TBX15: variants seen among roughly 807,000 people sequenced by gnomAD.
TBX15 encodes the protein T-box transcription factor 15, also known as T-box transcription factor TBX15.
TBX15 carries 18 observed loss-of-function variants against 53.9 expected under a neutral mutation model. That is an observed-to-expected ratio of 0.33 (90% CI 0.23 to 0.49). TBX15 has a LOEUF of 0.49. TBX15 is among the 20% of genes least tolerant of loss of function. The probability of loss-of-function intolerance (pLI) is 0.98; values close to 1 mark genes in which losing one functional copy is unlikely to be tolerated. For synonymous variants in TBX15, 295 were observed against 278.0 expected, an observed-to-expected ratio of 1.06 and a Z score of -0.61; for missense variants, 692 against 749.5, an observed-to-expected ratio of 0.92 and a Z score of 0.90.
chr1:118,951,379 C>T (rs926153258), intron 1 of TBX15, among the ~76,000 whole-genome samples: 1 of 152,176 alleles, frequency 6.6e-6, no homozygotes, highest in African/African-American at 2.4e-5. Context: ...CAACTCTCTC[C>T]TAAGAAATAG....
intron 5 of TBX15, among the ~76,000 whole-genome samples, chr1:118,922,035 C>T (rs1655440693): frequency 6.6e-6 from 1 of 152,034 alleles, no homozygotes; most frequent in Non-Finnish European, 1.5e-5. Flanking sequence ...GGGAAAGACC[C>T]GAGGTTATTT....
chr1:118,912,639 G>A (rs930760002), intron 6 of TBX15, among the ~76,000 whole-genome samples: 3 of 152,098 alleles, frequency 2.0e-5, no homozygotes, highest in African/African-American at 4.8e-5. Context: ...AAAGGCAATA[G>A]GAAATGGCTT....
intron 5 of TBX15, among the ~76,000 whole-genome samples, chr1:118,921,815 G>A (rs746132329): frequency 5.3e-5 from 8 of 151,928 alleles, no homozygotes; most frequent in Non-Finnish European, 7.4e-5. Context: ...CCTCCTAACC[G>A]TTTCCTTAAA....
chr1:118,923,847 G>C (rs1449561892), intron 4 of TBX15, among the ~76,000 whole-genome samples: 1 of 152,134 alleles, frequency 6.6e-6, no homozygotes, highest in African/African-American at 2.4e-5. Flanking sequence ...TGCTTCAATT[G>C]GATAATGCTG....
chr1:118,950,881 C>T (rs1656492514), intron 1 of TBX15, among the ~76,000 whole-genome samples: 1 of 152,160 alleles, frequency 6.6e-6, no homozygotes, highest in African/African-American at 2.4e-5. Context: ...CAAACATCAC[C>T]ATGTCATCTT....
At chr1:118,934,498 A>G (rs1351123762) in intron 1 of TBX15, among the ~76,000 whole-genome samples, 3 of 152,172 alleles carry the variant, frequency 2.0e-5, no homozygotes, top group Admixed American at 2.0e-4. Flanking sequence ...AGAATCCAAG[A>G]CCTTAAGAAA....
rs187682400 is a variant in TBX15 at position 118,903,089 on chromosome 1, T to C, written c.927-3964A>G. ...AAGTGTCCCCCTCTTGCTCATTTTTTCCCTGTTAGCTCCATTGACAACATA... is the reference window on the plus strand; with the variant it reads ...AAGTGTCCCCCTCTTGCTCATTTTTCCCCTGTTAGCTCCATTGACAACATA... On this transcript the variant is annotated intron_variant, in intron 6 of 7. Coordinates refer to ENST00000369429, the MANE Select transcript of TBX15 (RefSeq NM_001330677.2). Among the ~76,000 whole-genome samples the C allele has an allele frequency of 5.9e-5, 9 of 152,222 alleles. No individual in the cohort carries two copies. In the East Asian group the frequency reaches 1.2e-3, roughly 20 times the overall value.
intron 6 of TBX15, among the ~76,000 whole-genome samples, chr1:118,904,614 T>C (rs1654750749): frequency 6.6e-6 from 1 of 152,222 alleles, no homozygotes; most frequent in African/African-American, 2.4e-5. Context: ...TACCAAGTGA[T>C]TCCCAACTTA....
intron 1 of TBX15, among the ~76,000 whole-genome samples, chr1:118,982,573 G>A (rs1657683572): frequency 6.6e-6 from 1 of 152,124 alleles, no homozygotes; most frequent in South Asian, 2.1e-4. Flanking sequence ...GATAAATGGG[G>A]AACACAAAAC....
At chr1:118,891,584 C>A (rs1654144700) in intron 7 of TBX15, among the ~76,000 whole-genome samples, 1 of 152,108 alleles carries the variant, frequency 6.6e-6, no homozygotes, top group Non-Finnish European at 1.5e-5. Context: ...TCCCCCCTAC[C>A]ACAGTAATTA....
intron 1 of TBX15, among the ~76,000 whole-genome samples, chr1:118,935,658 C>A (rs1655945308): frequency 2.0e-5 from 3 of 152,124 alleles, no homozygotes; most frequent in Admixed American, 1.3e-4. Context: ...CAAAAAAATC[C>A]TTTAAAAAGA....
rs1029729323 is a variant in TBX15, at chr1:118,926,524, G to A, written c.507C>T (p.Asp169=). Residue 169 remains aspartate (D), a synonymous_variant, in exon 3 of 8, where the codon GAC becomes GAT. Coordinates refer to ENST00000369429, the MANE Select transcript of TBX15 (RefSeq NM_001330677.2). ...GTTATTGTTACCTGTATCTTTTATT[G>A]TCCACAGGCACAATGTCCATTGCTA... ...YYIAMDIVPV[D]NKRYRYVYHS... 1.2e-6 allele frequency: 2 copies of A among 1,613,262 alleles called. No individual in the cohort carries two copies. Among genetic ancestry groups the A allele is most frequent in the Non-Finnish European group, 1.7e-6 (2 of 1,179,530 alleles).
In TBX15 at chr1:118,988,182, CTTT is replaced by C. The variant is rs1657909371; in HGVS notation, c.-390_-388del. 3 of 202,560 alleles carry C rather than the reference CTTT, an allele frequency of 1.5e-5. No homozygotes were observed. The highest frequency in any genetic ancestry group is 3.0e-5 in the Non-Finnish European group (3 of 101,636). The allele number at this position is 202,560 out of a possible 1,614,324, so 12.5% of individuals were successfully genotyped here. On this transcript the variant is annotated 5_prime_UTR_variant, in exon 1 of 8. Transcript: ENST00000369429. Reference sequence around the variant, plus strand: ...CTCTCTCTCTCTCTCCCCTCCCTCTCTTTTTCTCTCCTCCCCCTCTCTCTCTCT... The same window carrying C: ...CTCTCTCTCTCTCTCCCCTCCCTCTCTTCTCTCCTCCCCCTCTCTCTCTCT...
intron 6 of TBX15, among the ~76,000 whole-genome samples, chr1:118,905,361 A>T (rs976791099): frequency 2.6e-5 from 4 of 152,252 alleles, no homozygotes; most frequent in Non-Finnish European, 5.9e-5. Context: ...CACAGATAAC[A>T]AAATGATCGC....
chr1:118,888,246 C>G, intron 7 of TBX15, among the ~76,000 whole-genome samples: 1 of 152,326 alleles, frequency 6.6e-6, no homozygotes, highest in East Asian at 1.9e-4. Flanking sequence ...GCCACCTCTT[C>G]ATTCTCATTA....
At chr1:118,910,717 T>C (rs982346208) in intron 6 of TBX15, among the ~76,000 whole-genome samples, 26 of 152,188 alleles carry the variant, frequency 1.7e-4, no homozygotes, top group African/African-American at 5.8e-4. Context: ...TTTAATCTAG[T>C]TTTCCAGAAT....
At chr1:118,901,567 GA>G (rs1654631420) in intron 6 of TBX15, among the ~76,000 whole-genome samples, 1 of 152,140 alleles carries the variant, frequency 6.6e-6, no homozygotes, top group Non-Finnish European at 1.5e-5. Flanking sequence ...ATAGAATAGT[GA>G]CTATTTACTC....
At chr1:118,954,794 T>C (rs929774475) in intron 1 of TBX15, among the ~76,000 whole-genome samples, 7 of 152,304 alleles carry the variant, frequency 4.6e-5, no homozygotes, top group African/African-American at 1.4e-4. Flanking sequence ...ATTTCCCTAA[T>C]CCAAATGTTG....
At position 118,931,820 on chromosome 1, in the gene TBX15, C is replaced by T. The variant is rs182675088; in HGVS notation, c.218G>A (p.Ser73Asn). The T allele has an allele frequency of 5.1e-6, 8 of 1,576,994 alleles. No individual in the cohort carries two copies. The highest frequency in any genetic ancestry group is 3.7e-5 in the Admixed American group (2 of 53,362). Residue 73 changes from serine (S) to asparagine (N), a missense_variant, in exon 2 of 8, where the codon AGC becomes AAC. Transcript: ENST00000369429. ...GLEPHPDSEQ[S>N]TGSDSEVLTE... ...GAGGACCTCAGAATCTGAACCAGTG[C>T]TCTGCTCAGAATCTGCAAAATAAAC...
Sources: gnomAD v4.1 joint callset for allele counts (sites outside exome capture counted in the v4.1 genomes callset) on GRCh38, gnomAD v4.1.1 for gene constraint, MANE v1.5 for transcripts, NCBI Gene and HGNC (gene_info 2026-07-23, HGNC 2026-07-21) for gene names.